GPATCH2: variants seen among roughly 807,000 people sequenced by gnomAD.
The protein encoded by GPATCH2 is G-patch domain containing 2.
GPATCH2 carries 51 observed loss-of-function variants against 58.0 expected under a neutral mutation model. The observed-to-expected ratio is 0.88, with a 90% CI of 0.70 to 1.11. The LOEUF (loss-of-function observed/expected upper bound fraction) is 1.11. Among genes scored for constraint, GPATCH2 ranks in the 50% most tolerant of loss-of-function variants. The probability of loss-of-function intolerance (pLI) is 0.00; values close to 1 mark genes in which losing one functional copy is unlikely to be tolerated. For synonymous variants in GPATCH2, 222 were observed against 218.5 expected, an observed-to-expected ratio of 1.02 and a Z score of -0.14; for missense variants, 625 against 652.2, an observed-to-expected ratio of 0.96 and a Z score of 0.45.
rs187335470 is a variant in GPATCH2, at chr1:217,555,232, A to G, written c.1099-40343T>C. On this transcript the variant is annotated intron_variant, in intron 5 of 9. Transcript: ENST00000366935. ...AGGTAAGCTAGCATCATAATTTAAT[A>G]CAAAACCCCAACTATTTAGAAAGAC... Among the ~76,000 whole-genome samples the G allele has an allele frequency of 6.8e-3, 1,043 of 152,312 alleles. 6 individuals carry two copies. The highest frequency in any genetic ancestry group is 0.014 in the Middle Eastern group (4 of 294).
intron 8 of GPATCH2, among the ~76,000 whole-genome samples, chr1:217,470,883 A>C (rs1378759450): frequency 6.6e-6 from 1 of 152,076 alleles, no homozygotes; most frequent in African/African-American, 2.4e-5. Context: ...TATACATTCT[A>C]ATTAAAGCAA....
chr1:217,527,579 A>G (rs1024820454), intron 5 of GPATCH2, among the ~76,000 whole-genome samples: 7 of 151,094 alleles, frequency 4.6e-5, no homozygotes, highest in Non-Finnish European at 7.4e-5. Context: ...GTGCCTTTCT[A>G]TGTCAGGAGG....
At position 217,498,362 on chromosome 1, in the gene GPATCH2, A is replaced by G. The variant is rs1023236478; in HGVS notation, c.1200T>C (p.His400=). Residue 400 remains histidine, a synonymous_variant, in exon 7 of 10, where the codon CAT becomes CAC. Coordinates refer to ENST00000366935, the MANE Select transcript of GPATCH2 (RefSeq NM_018040.5). ...HWFSPGARTE[H]DQHQLLRDNR... is the part of the protein sequence containing the mutation. ...GGATTACAATGGTCCTTACCTGGTC[A>G]TGCTCTGTCCTAGCCCCAGGGCTAA... 3 of 1,612,388 alleles carry G rather than the reference A, an allele frequency of 1.9e-6. No homozygotes were observed. Among genetic ancestry groups the G allele is most frequent in the South Asian group, 2.2e-5 (2 of 91,058 alleles).
chr1:217,509,913 GAGAT>G (rs1170666606), intron 6 of GPATCH2, among the ~76,000 whole-genome samples: 3 of 152,136 alleles, frequency 2.0e-5, no homozygotes, highest in Admixed American at 6.5e-5. Flanking sequence ...AAAAATAAGA[GAGAT>G]AGAGAATGCT....
chr1:217,614,471 A>T (rs1488281830), intron 2 of GPATCH2, among the ~76,000 whole-genome samples: 1 of 152,064 alleles, frequency 6.6e-6, no homozygotes, highest in Non-Finnish European at 1.5e-5. Flanking sequence ...GACACAATTG[A>T]TGCATTTTAT....
intron 5 of GPATCH2, among the ~76,000 whole-genome samples, chr1:217,587,408 G>A (rs770716220): frequency 2.0e-5 from 3 of 151,922 alleles, no homozygotes; most frequent in Non-Finnish European, 4.4e-5. Flanking sequence ...CTTAAAATCC[G>A]AGATTAAATT....
intron 6 of GPATCH2, among the ~76,000 whole-genome samples, chr1:217,504,079 G>A (rs1300878825): frequency 6.6e-6 from 1 of 152,174 alleles, no homozygotes; most frequent in African/African-American, 2.4e-5. Flanking sequence ...AATTAGGATA[G>A]CTGAGGTTGA....
intron 5 of GPATCH2, among the ~76,000 whole-genome samples, chr1:217,567,100 G>A (rs1007553770): frequency 6.8e-6 from 1 of 146,146 alleles, no homozygotes; most frequent in African/African-American, 2.5e-5. Flanking sequence ...AGGCTGGAGT[G>A]CAATGGCGCG....
chr1:217,439,411 A>T (rs913411132), intron 9 of GPATCH2, among the ~76,000 whole-genome samples: 1 of 152,254 alleles, frequency 6.6e-6, no homozygotes, highest in Non-Finnish European at 1.5e-5. Context: ...CAAAGGAGAA[A>T]GTGGGAAAGA....
intron 6 of GPATCH2, among the ~76,000 whole-genome samples, chr1:217,505,562 T>C (rs577831275): frequency 3.7e-4 from 57 of 152,272 alleles, no homozygotes; most frequent in African/African-American, 1.4e-3. Flanking sequence ...ATATTATATG[T>C]AGACAAAAGG....
At chr1:217,625,082 T>C (rs1165383009) in intron 1 of GPATCH2, among the ~76,000 whole-genome samples, 1 of 152,346 alleles carries the variant, frequency 6.6e-6, no homozygotes, top group African/African-American at 2.4e-5. Context: ...AATCCAAGAT[T>C]TGATATGCAA....
At chr1:217,552,649 A>T (rs565153987) in intron 5 of GPATCH2, among the ~76,000 whole-genome samples, 1 of 152,180 alleles carries the variant, frequency 6.6e-6, no homozygotes, top group Non-Finnish European at 1.5e-5. Flanking sequence ...AAATTGCCTA[A>T]ATTCCAATAT....
chr1:217,614,863 C>A (rs1668811797), intron 2 of GPATCH2, among the ~76,000 whole-genome samples: 1 of 150,316 alleles, frequency 6.7e-6, no homozygotes, highest in Non-Finnish European at 1.5e-5. Context: ...ATCTAACATA[C>A]AAATAAAACA....
At chr1:217,556,577 A>G (rs1435641506) in intron 5 of GPATCH2, among the ~76,000 whole-genome samples, 1 of 152,192 alleles carries the variant, frequency 6.6e-6, no homozygotes, top group African/African-American at 2.4e-5. Flanking sequence ...ATTCCACTGA[A>G]TGAATATACC....
chr1:217,554,162 C>T (rs1021490292), intron 5 of GPATCH2, among the ~76,000 whole-genome samples: 4 of 152,306 alleles, frequency 2.6e-5, no homozygotes, highest in African/African-American at 7.2e-5. Context: ...GCCAGTCTTT[C>T]GCTCTTGTCA....
At chr1:217,516,457 C>T (rs895412066) in intron 5 of GPATCH2, among the ~76,000 whole-genome samples, 6 of 152,106 alleles carry the variant, frequency 3.9e-5, no homozygotes, top group African/African-American at 9.7e-5. Flanking sequence ...ATGGTTTGAG[C>T]GCCACAGGTA....
intron 9 of GPATCH2, among the ~76,000 whole-genome samples, chr1:217,441,805 C>A (rs1429048888): frequency 1.3e-5 from 2 of 152,104 alleles, no homozygotes; most frequent in Non-Finnish European, 2.9e-5. Context: ...CCATCCCATG[C>A]CGGTTAGAAT....
At chr1:217,522,017 G>A (rs916652166) in intron 5 of GPATCH2, among the ~76,000 whole-genome samples, 2 of 152,228 alleles carry the variant, frequency 1.3e-5, no homozygotes, top group East Asian at 3.9e-4. Context: ...ATTTCTCTAT[G>A]AAATGACAGA....
intron 8 of GPATCH2, among the ~76,000 whole-genome samples, chr1:217,478,444 A>T (rs1661062242): frequency 6.6e-6 from 1 of 152,252 alleles, no homozygotes; most frequent in Admixed American, 6.5e-5. Context: ...GATTGAAATA[A>T]TGAAAAGGAA....
Sources: gnomAD v4.1 joint callset for allele counts (sites outside exome capture counted in the v4.1 genomes callset) on GRCh38, gnomAD v4.1.1 for gene constraint, MANE v1.5 for transcripts, NCBI Gene and HGNC (gene_info 2026-07-23, HGNC 2026-07-21) for gene names.